The following SNX29 variants were observed in gnomAD, a reference collection of about 807,000 sequenced individuals.
SNX29 encodes the protein sorting nexin 29, also known as sorting nexin-29.
In SNX29, 78 loss-of-function variants were observed where a neutral mutation model predicts 102.1. The observed-to-expected ratio is 0.76, with a 90% CI of 0.64 to 0.92. The LOEUF is 0.92. Ranked by LOEUF, SNX29 falls within the 40% of genes least tolerant of loss-of-function variation. SNX29 has a pLI of 0.00. For synonymous variants in SNX29, 580 were observed against 414.5 expected (o/e 1.40, Z -4.85); for missense variants, 1,280 against 1,061.7 (o/e 1.21, Z -2.86).
At chr16:12,083,371 A>C (rs1479982419) in intron 11 of SNX29, among the ~76,000 whole-genome samples, 1 of 151,738 alleles carries the variant, frequency 6.6e-6, no homozygotes. Context: ...ACCAAGATCA[A>C]GGTGCCAGCA....
At chr16:12,443,831 A>G (rs1023359484) in intron 18 of SNX29, among the ~76,000 whole-genome samples, 2 of 152,252 alleles carry the variant, frequency 1.3e-5, no homozygotes, top group East Asian at 1.9e-4. Flanking sequence ...AGTCTGTCTG[A>G]GCCTCAGTTT....
At chr16:12,138,906 A>G (rs565453929) in intron 13 of SNX29, among the ~76,000 whole-genome samples, 53 of 152,190 alleles carry the variant, frequency 3.5e-4, no homozygotes, top group African/African-American at 1.2e-3. Flanking sequence ...CTACAGGAAT[A>G]CAGAAGGCTT....
At chr16:12,430,396 G>C (rs1467395677) in intron 18 of SNX29, among the ~76,000 whole-genome samples, 1 of 152,220 alleles carries the variant, frequency 6.6e-6, no homozygotes, top group Non-Finnish European at 1.5e-5. Context: ...ATCAGTTGCT[G>C]TGTTTTCTTC....
chr16:12,537,497 G>T (rs561996232), intron 20 of SNX29, among the ~76,000 whole-genome samples: 1 of 152,186 alleles, frequency 6.6e-6, no homozygotes, highest in South Asian at 2.1e-4. Flanking sequence ...TAGTGGCAGA[G>T]ATTTCACAGG....
At chr16:12,297,414 T>C (rs2080018716) in intron 15 of SNX29, 1 of 152,266 alleles carries the variant, frequency 6.6e-6, no homozygotes, top group Non-Finnish European at 1.5e-5. Flanking sequence ...GTTTGTTTTG[T>C]GTTGTTCTAC....
intron 20 of SNX29, among the ~76,000 whole-genome samples, chr16:12,553,350 G>A (rs571708310): frequency 2.0e-5 from 3 of 152,194 alleles, no homozygotes; most frequent in South Asian, 2.1e-4. Flanking sequence ...AAACCAGCTC[G>A]TCTTCTCAGA....
intron 20 of SNX29, chr16:12,526,987 A>G (rs182833392): frequency 1.2e-5 from 5 of 402,280 alleles, no homozygotes; most frequent in African/African-American, 8.0e-5. Context: ...CGATTTATGG[A>G]CTTTTCAAAA....
At chr16:12,183,295 C>T (rs1470794576) in intron 13 of SNX29, among the ~76,000 whole-genome samples, 1 of 152,192 alleles carries the variant, frequency 6.6e-6, no homozygotes, top group Non-Finnish European at 1.5e-5. Context: ...GCCATGGCAC[C>T]TAGACAAATA....
chr16:12,569,846 A>G lies in SNX29; in HGVS notation c.*1217A>G, dbSNP rs935661691. 2.6e-5 allele frequency: 6 copies of G among 230,748 alleles called. No homozygotes were observed. Among genetic ancestry groups the G allele is most frequent in the Non-Finnish European group, 5.1e-5 (6 of 116,550 alleles). 14.3% of individuals were successfully genotyped at this position (230,748 alleles called of 1,614,324 possible). A position where few individuals can be genotyped will look rare whatever the true frequency, so the allele number is the denominator to read the frequency against. On this transcript the variant is annotated 3_prime_UTR_variant, in exon 21 of 21. Transcript: ENST00000566228. ...CATTTCTAGGGTAAACTAACTAGGA[A>G]GGATGTCGTGAAATGGACTATGCAA...
At chr16:12,000,878 T>G (rs559497916) in intron 2 of SNX29, among the ~76,000 whole-genome samples, 6 of 152,298 alleles carry the variant, frequency 3.9e-5, no homozygotes, top group Admixed American at 6.5e-5. Flanking sequence ...CTCTCTGCTC[T>G]TCTGTAACTG....
chr16:12,041,803 C>T (rs529141046), intron 4 of SNX29, among the ~76,000 whole-genome samples: 79 of 152,286 alleles, frequency 5.2e-4, no homozygotes, highest in Middle Eastern at 3.4e-3. Flanking sequence ...TGCATAGACT[C>T]TTTTACTATA....
chr16:12,563,374 G>C (rs2078840879), intron 20 of SNX29, among the ~76,000 whole-genome samples: 1 of 152,182 alleles, frequency 6.6e-6, no homozygotes, highest in African/African-American at 2.4e-5. Context: ...TCGCCACGTT[G>C]ATATTTTACC....
chr16:12,141,668 G>T (rs867978047), intron 13 of SNX29, among the ~76,000 whole-genome samples: 1 of 152,208 alleles, frequency 6.6e-6, no homozygotes, highest in South Asian at 2.1e-4. Context: ...GGACATTGCC[G>T]TGGCATTTGT....
At chr16:12,505,500 TA>T (rs1195389719) in intron 19 of SNX29, among the ~76,000 whole-genome samples, 1 of 152,148 alleles carries the variant, frequency 6.6e-6, no homozygotes, top group African/African-American at 2.4e-5. Context: ...GTTCCTTTTT[TA>T]AAAAAACAAA....
chr16:12,350,473 G>A (rs28372578), intron 15 of SNX29, among the ~76,000 whole-genome samples: 6,455 of 152,172 alleles, frequency 0.042, 278 homozygotes, highest in African/African-American at 0.1. Context: ...TTTGCTATCC[G>A]TGTGGAGTCC....
intron 11 of SNX29, chr16:12,089,895 C>T: frequency 3.0e-6 from 1 of 329,568 alleles, no homozygotes; most frequent in Non-Finnish European, 5.9e-6. Flanking sequence ...TGAGGGCTCC[C>T]CTGTGTCTCG....
intron 13 of SNX29, among the ~76,000 whole-genome samples, chr16:12,195,985 C>CTTTTTT (rs762409358): frequency 1.7e-5 from 2 of 117,980 alleles, no homozygotes; most frequent in African/African-American, 3.2e-5. Context: ...GTTTCTTTTC[C>CTTTTTT]TTTTTTTTTT....
At chr16:12,024,686 G>T (rs1414062436) in intron 3 of SNX29, among the ~76,000 whole-genome samples, 1 of 152,176 alleles carries the variant, frequency 6.6e-6, no homozygotes, top group Non-Finnish European at 1.5e-5. Context: ...TGTGCAGTTC[G>T]CCTGCATTCC....
chr16:12,532,628 C>G (rs183865104), intron 20 of SNX29, among the ~76,000 whole-genome samples: 1 of 152,154 alleles, frequency 6.6e-6, no homozygotes, highest in Non-Finnish European at 1.5e-5. Context: ...CTTTGGGATG[C>G]GATTTCCTGA....
Sources: gnomAD v4.1 joint callset for allele counts (sites outside exome capture counted in the v4.1 genomes callset) on GRCh38, gnomAD v4.1.1 for gene constraint, MANE v1.5 for transcripts, NCBI Gene and HGNC (gene_info 2026-07-23, HGNC 2026-07-21) for gene names.